PMS1: variants seen among roughly 807,000 people sequenced by gnomAD.
The protein encoded by PMS1 is PMS1 homolog 1, mismatch repair system component.
Under a neutral mutation model 93.1 loss-of-function variants are expected in PMS1, and 79 were observed. The ratio of observed to expected loss-of-function variants is 0.85; its 90% CI spans 0.71 to 1.02. PMS1 has a LOEUF of 1.02. PMS1 is among the 50% of genes least tolerant of loss of function. The pLI is 0.00. For missense variants in PMS1, 1,064 were observed against 1,085.3 expected, an observed-to-expected ratio of 0.98 and a Z score of 0.28; for synonymous variants, 335 against 363.4, an observed-to-expected ratio of 0.92 and a Z score of 0.89.
At chr2:189,787,345 C>T (rs2048445414) in intron 1 of PMS1, among the ~76,000 whole-genome samples, 1 of 152,106 alleles carries the variant, frequency 6.6e-6, no homozygotes, top group African/African-American at 2.4e-5. Flanking sequence ...AAGTGAAGGG[C>T]TTGCCATGGG....
At chr2:189,869,509 G>T (rs950397032) in intron 11 of PMS1, among the ~76,000 whole-genome samples, 13 of 151,934 alleles carry the variant, frequency 8.6e-5, no homozygotes, top group African/African-American at 3.1e-4. Context: ...GCAGGTACTG[G>T]TTTTTTTCAT....
At chr2:189,803,089 T>C (rs754121916) in intron 3 of PMS1, among the ~76,000 whole-genome samples, 11 of 152,062 alleles carry the variant, frequency 7.2e-5, no homozygotes, top group Non-Finnish European at 1.0e-4. Flanking sequence ...CAGGCAAAAG[T>C]CTGTATTTCA....
rs1407649417 is a variant in PMS1 at position 189,844,000 on chromosome 2, A to G, written c.619A>G (p.Lys207Glu). The change falls in exon 6 of 13, where the codon AAG becomes GAG. Residue 207 changes from lysine (K) to glutamate (E), a missense_variant. Transcript: ENST00000441310. ...IWQKSRVSDH[K>E]MALMSVLGTA... Reference sequence around the variant, plus strand: ...GCAGAAAAGCAGAGTATCAGATCACAAGATGGCTCTCATGTCAGTTCTGGG... The same window carrying G: ...GCAGAAAAGCAGAGTATCAGATCACGAGATGGCTCTCATGTCAGTTCTGGG... 1 of 1,613,922 alleles carries G rather than the reference A, an allele frequency of 6.2e-7. No individual in the cohort carries two copies. The highest frequency in any genetic ancestry group is 2.2e-5 in the East Asian group (1 of 44,858).
chr2:189,857,481 G>C, intron 9 of PMS1: 1 of 469,102 alleles, frequency 2.1e-6, no homozygotes, highest in South Asian at 1.6e-5. Flanking sequence ...TTGGAGTTCT[G>C]TCCATGATCC....
At chr2:189,839,216 C>T (rs2053627752) in intron 5 of PMS1, among the ~76,000 whole-genome samples, 1 of 152,152 alleles carries the variant, frequency 6.6e-6, no homozygotes, top group South Asian at 2.1e-4. Flanking sequence ...GTCTTGAACT[C>T]CTGACCTCAA....
Position 189,864,194 on chromosome 2 carries a change from G to C in PMS1, c.2308G>C (p.Glu770Gln). The C allele has an allele frequency of 6.2e-7, 1 of 1,609,804 alleles. No individual in the cohort carries two copies. The highest frequency in any genetic ancestry group is 8.5e-7 in the Non-Finnish European group (1 of 1,176,716). ...RLLENHKLPA[E>Q]PLEKPIMLTE... Reference sequence around the variant, plus strand: ...TCTTGAGAATCATAAACTTCCTGCAGAGCCACTGGAAAAGCCAATTATGTT... The same window carrying C: ...TCTTGAGAATCATAAACTTCCTGCACAGCCACTGGAAAAGCCAATTATGTT... The change falls in exon 10 of 13, where the codon GAG becomes CAG. Residue 770 changes from glutamate to glutamine, a missense_variant. Glu to Gln is a conservative substitution (Grantham distance 29). Transcript: ENST00000441310.
intron 4 of PMS1, among the ~76,000 whole-genome samples, chr2:189,814,031 T>C (rs2051060281): frequency 1.3e-5 from 2 of 152,196 alleles, no homozygotes; most frequent in African/African-American, 4.8e-5. Flanking sequence ...GTATTTTCCA[T>C]TTAGCAGTAG....
chr2:189,794,682 G>A (rs1322879247), intron 2 of PMS1, among the ~76,000 whole-genome samples: 1 of 152,146 alleles, frequency 6.6e-6, no homozygotes, highest in Non-Finnish European at 1.5e-5. Flanking sequence ...GAAGTTGGCT[G>A]CCAAATTTAG....
chr2:189,821,318 G>T (rs2106337236), intron 5 of PMS1, among the ~76,000 whole-genome samples: 1 of 152,072 alleles, frequency 6.6e-6, no homozygotes, highest in Admixed American at 6.5e-5. Flanking sequence ...AACCAGGCAT[G>T]GTGGCATGCG....
intron 6 of PMS1, among the ~76,000 whole-genome samples, chr2:189,845,838 C>T (rs866538880): frequency 4.6e-5 from 7 of 152,154 alleles, no homozygotes; most frequent in Middle Eastern, 3.4e-3. Context: ...TCAAATGATT[C>T]TCCTGCCTCA....
At chr2:189,805,177 A>G (rs1381493041) in intron 3 of PMS1, among the ~76,000 whole-genome samples, 1 of 151,986 alleles carries the variant, frequency 6.6e-6, no homozygotes, top group Non-Finnish European at 1.5e-5. Context: ...TATATATATA[A>G]TTTAATTTTT....
intron 4 of PMS1, among the ~76,000 whole-genome samples, chr2:189,814,039 T>C (rs990039496): frequency 2.0e-5 from 3 of 152,174 alleles, no homozygotes; most frequent in African/African-American, 4.8e-5. Flanking sequence ...CATTTAGCAG[T>C]AGAGGCAGAA....
chr2:189,864,687 AATATATATATATATATATATATAT>A lies in PMS1; in HGVS notation c.2342+484_2342+507del, dbSNP rs1220402323. 1.2e-3 allele frequency among the ~76,000 whole-genome samples: 22 copies of A among 18,246 alleles called. 1 individual carries two copies. In the East Asian group the frequency reaches 0.02, roughly 17 times the overall value. The allele number at this position is 18,246 out of a possible 152,430, so 12.0% of individuals were successfully genotyped here. A position where few individuals can be genotyped will look rare whatever the true frequency, so the allele number is the denominator to read the frequency against. ...AAAAAAAAAAAAAAAAAAAAAAAAA[AATATATATATATATATATATATAT>A]ATATATATATATATATATATATATG... On this transcript the variant is annotated intron_variant, in intron 10 of 12. Coordinates refer to ENST00000441310, the MANE Select transcript of PMS1 (RefSeq NM_000534.5).
In PMS1 at chr2:189,867,697, A is replaced by G. The variant is rs2056780854; in HGVS notation, c.2343-102A>G. 2.1e-5 allele frequency: 16 copies of G among 777,324 alleles called. 1 individual carries two copies. In the South Asian group the frequency reaches 2.4e-4, roughly 12 times the overall value. The allele number at this position is 777,324 out of a possible 1,614,324, so 48.2% of individuals were successfully genotyped here. On this transcript the variant is annotated intron_variant, in intron 10 of 12. Transcript: ENST00000441310. ...TACTTATACCTTTGTATTTTGGTTA[A>G]TGATGATAACACTTGTCAAAGGGCC...
In PMS1 at chr2:189,854,751, T is replaced by A. The variant is rs1420209779; in HGVS notation, c.1479T>A (p.Ile493=). The change falls in exon 9 of 13, where the codon ATT becomes ATA. Residue 493 remains isoleucine, a synonymous_variant. Transcript: ENST00000441310. The part of the protein sequence containing the change: ...EEAGLENSSE[I]SADEWSRGNI... ...CAGGTCTTGAAAACTCTTCGGAAAT[T>A]TCTGCAGATGAGTGGAGCAGGGGAA... The A allele has an allele frequency of 6.2e-7, 1 of 1,613,834 alleles. No homozygotes were observed.
chr2:189,813,251 G>A (rs982021597), intron 4 of PMS1, among the ~76,000 whole-genome samples: 1 of 152,208 alleles, frequency 6.6e-6, no homozygotes, highest in African/African-American at 2.4e-5. Context: ...GGTGTTATAT[G>A]AGAAAGGAAG....
At chr2:189,855,687 CTT>C (rs1461723047) in intron 9 of PMS1, 1 of 179,048 alleles carries the variant, frequency 5.6e-6, no homozygotes. Flanking sequence ...TTTATTATAA[CTT>C]ATAAACTATA....
intron 11 of PMS1, among the ~76,000 whole-genome samples, chr2:189,872,360 T>C (rs2057225382): frequency 6.6e-6 from 1 of 152,176 alleles, no homozygotes; most frequent in Non-Finnish European, 1.5e-5. Context: ...TCTGAAACTC[T>C]TCAAGTTATA....
intron 5 of PMS1, among the ~76,000 whole-genome samples, chr2:189,830,081 A>T (rs2052786699): frequency 6.6e-6 from 1 of 151,886 alleles, no homozygotes; most frequent in African/African-American, 2.4e-5. Flanking sequence ...GGGTCAGTAT[A>T]TTTTTTTCTG....
Sources: gnomAD v4.1 joint callset for allele counts (sites outside exome capture counted in the v4.1 genomes callset) on GRCh38, gnomAD v4.1.1 for gene constraint, MANE v1.5 for transcripts, NCBI Gene and HGNC (gene_info 2026-07-23, HGNC 2026-07-21) for gene names.